COL9A1: variants seen among roughly 807,000 people sequenced by gnomAD.
COL9A1 encodes collagen alpha-1(IX) chain.
In COL9A1, 104 loss-of-function variants were observed where a neutral mutation model predicts 142.6. That is an observed-to-expected ratio of 0.73 (90% CI 0.62 to 0.86). COL9A1 has a LOEUF of 0.86. Ranked by LOEUF, COL9A1 falls within the 40% of genes least tolerant of loss-of-function variation. COL9A1 has a pLI of 0.00. For synonymous variants in COL9A1, 466 were observed against 396.0 expected (o/e 1.18, Z -2.10); for missense variants, 1,210 against 1,176.6 (o/e 1.03, Z -0.42).
At position 70,274,185 on chromosome 6, in the gene COL9A1, GT is replaced by G. The variant is rs34897704; in HGVS notation, c.1030-104del. 0.072 allele frequency: 47,652 copies of G among 666,170 alleles called. 1,237 individuals are homozygous for G. Among genetic ancestry groups the G allele is most frequent in the African/African-American group, 0.21 (10,470 of 50,604 alleles). The allele number at this position is 666,170 out of a possible 1,614,324, so 41.3% of individuals were successfully genotyped here. On this transcript the variant is annotated intron_variant, in intron 11 of 37. Transcript: ENST00000357250. ...AAGCATTAAAACACCCCATTATGGT[GT>G]TTTTTTTTTTTAAATTTCCAACTTT...
intron 31 of COL9A1, 83 bp downstream of exon 31, chr6:70,241,336 C>A: frequency 8.9e-7 from 1 of 1,117,338 alleles, no homozygotes. Context: ...TTATTAACCC[C>A]CATAAACCAG....
In COL9A1 at chr6:70,269,681, T is replaced by C. The variant is rs1399790743; in HGVS notation, c.1198-16A>G. 2 of 1,541,850 alleles carry C rather than the reference T, an allele frequency of 1.3e-6. No homozygotes were observed. The highest frequency in any genetic ancestry group is 1.1e-5 in the South Asian group (1 of 89,530). On this transcript the variant is annotated splice_polypyrimidine_tract_variant and intron_variant, in intron 15 of 37. Coordinates refer to ENST00000357250, the MANE Select transcript of COL9A1 (RefSeq NM_001851.6). ...CAATTGTTCCCTAAAGTAAACAAAA[T>C]ATTAAGGTTCAGAATACAATTAAAT...
chr6:70,271,975 G>A (rs2127591005), intron 13 of COL9A1, 90 bp downstream of exon 13: 2 of 1,319,992 alleles, frequency 1.5e-6, no homozygotes, highest in East Asian at 2.3e-5. Flanking sequence ...ACACCACTGA[G>A]TAGACCGTTA....
At chr6:70,242,139 G>A (rs575857149) in intron 29 of COL9A1, 104 bp from the exon 30 acceptor site, 32 of 987,660 alleles carry the variant, frequency 3.2e-5, no homozygotes, top group Non-Finnish European at 5.0e-5. Flanking sequence ...TAAAATAAAC[G>A]TGCTGTGGTT....
At chr6:70,215,316 A>G (rs1161281932), downstream of COL9A1, 1 of 152,220 alleles carries the variant, frequency 6.6e-6, no homozygotes, top group Non-Finnish European at 1.5e-5. Context: ...CCAAATACAG[A>G]TTACATAATG....
chr6:70,285,099 T>A (rs1388700320), intron 5 of COL9A1, among the ~76,000 whole-genome samples: 1 of 152,240 alleles, frequency 6.6e-6, no homozygotes, highest in African/African-American at 2.4e-5. Context: ...AAGTTACTTA[T>A]TGCAAATGTG....
intron 17 of COL9A1, among the ~76,000 whole-genome samples, chr6:70,267,436 T>C (rs896574673): frequency 3.3e-5 from 5 of 149,892 alleles, no homozygotes; most frequent in Non-Finnish European, 4.4e-5. Context: ...AATTCTCTTC[T>C]CTCAGCTTCC....
intron 36 of COL9A1, 32 bp from the exon 37 acceptor site, chr6:70,226,041 A>G (rs779808424): frequency 2.4e-5 from 38 of 1,555,618 alleles, no homozygotes; most frequent in Non-Finnish European, 3.2e-5. Context: ...TTATTTTTCT[A>G]CATATCTATA....
intron 36 of COL9A1, among the ~76,000 whole-genome samples, chr6:70,227,424 T>TAAAAAAAAAAAAAAAAAAAAAAAAAAAAA (rs11407353): frequency 1.6e-4 from 8 of 50,032 alleles, no homozygotes; most frequent in African/African-American, 3.4e-4. Context: ...ATGCAAATTG[T>TAAAAAAAAAAAAAAAAAAAAAAAAAAAAA]AAAAAAAAAA....
rs758589492 is a variant in COL9A1 at position 70,283,749 on chromosome 6, T to C, written c.768A>G (p.Pro256=). ...TCAGGGGACTCACCGTTATTCTGGCTGGCAGCTCATGGCAAGTTTCTCTCC... is the reference window on the plus strand; with the variant it reads ...TCAGGGGACTCACCGTTATTCTGGCCGGCAGCTCATGGCAAGTTTCTCTCC... ...RPRRETCHEL[P]ARITPSQTTD... The change falls in exon 6 of 38, where the codon CCA becomes CCG. Residue 256 remains proline (P), a synonymous_variant. Coordinates refer to ENST00000357250, the MANE Select transcript of COL9A1 (RefSeq NM_001851.6). 13 of 1,611,336 alleles carry C rather than the reference T, an allele frequency of 8.1e-6. No homozygotes were observed. Among genetic ancestry groups the C allele is most frequent in the African/African-American group, 8.0e-5 (6 of 74,828 alleles).
At chr6:70,271,750 T>G in intron 13 of COL9A1, 42 bp from the exon 14 acceptor site, 2 of 1,535,150 alleles carry the variant, frequency 1.3e-6, no homozygotes, top group Non-Finnish European at 9.0e-7. Context: ...TTATGAATAT[T>G]TTTACAATCT....
intron 5 of COL9A1, among the ~76,000 whole-genome samples, chr6:70,286,411 T>C (rs1773452425): frequency 6.6e-6 from 1 of 152,218 alleles, no homozygotes; most frequent in Non-Finnish European, 1.5e-5. Flanking sequence ...CAGACAACTA[T>C]CTTTTCCTCC....
At chr6:70,243,470 A>C (rs1770396862) in intron 28 of COL9A1, among the ~76,000 whole-genome samples, 1 of 152,188 alleles carries the variant, frequency 6.6e-6, no homozygotes, top group African/African-American at 2.4e-5. Context: ...GAACTTTTCA[A>C]CTTTTTTCCC....
chr6:70,280,736 C>T (rs1773098188), intron 10 of COL9A1, 76 bp downstream of exon 10: 2 of 1,493,094 alleles, frequency 1.3e-6, no homozygotes, highest in Non-Finnish European at 1.8e-6. Flanking sequence ...TCTCCCTCCC[C>T]CCCCACAAAA....
chr6:70,232,546 T>C, intron 36 of COL9A1, 37 bp downstream of exon 36: 1 of 1,606,016 alleles, frequency 6.2e-7, no homozygotes, highest in Non-Finnish European at 8.5e-7. Flanking sequence ...CTGAAAAAGG[T>C]TGTGTTCTTT....
At chr6:70,283,406 G>A (rs1773299508) in intron 6 of COL9A1, among the ~76,000 whole-genome samples, 1 of 152,206 alleles carries the variant, frequency 6.6e-6, no homozygotes, top group Non-Finnish European at 1.5e-5. Flanking sequence ...AGACTTCCCG[G>A]GTGGCCTGTG....
At chr6:70,276,311 G>A (rs1168004107) in intron 10 of COL9A1, among the ~76,000 whole-genome samples, 2 of 151,988 alleles carry the variant, frequency 1.3e-5, no homozygotes, top group East Asian at 1.9e-4. Context: ...ATAAACCTCT[G>A]GGCATATTTA....
chr6:70,267,327 G>GGTTTTTTTTTTTTTTTTTTTTTTTTT (rs757813161), intron 17 of COL9A1, among the ~76,000 whole-genome samples: 1 of 127,032 alleles, frequency 7.9e-6, no homozygotes, highest in African/African-American at 3.0e-5. Context: ...TGGTTTTTTT[G>GGTTTTTTTTTTTTTTTTTTTTTTTTT]TTTTTTTTTT....
chr6:70,291,588 TTACA>T (rs1407676474), intron 5 of COL9A1, among the ~76,000 whole-genome samples: 1 of 152,180 alleles, frequency 6.6e-6, no homozygotes, highest in Non-Finnish European at 1.5e-5. Flanking sequence ...TGCCCAATAT[TTACA>T]TACTCAATGA....
Sources: gnomAD v4.1 joint callset for allele counts (sites outside exome capture counted in the v4.1 genomes callset) on GRCh38, gnomAD v4.1.1 for gene constraint, MANE v1.5 for transcripts, NCBI Gene and HGNC (gene_info 2026-07-23, HGNC 2026-07-21) for gene names.